Variants in PCDH15 observed in about 807,000 individuals in gnomAD.
PCDH15 encodes the protein protocadherin-15.
Under a neutral mutation model 178.5 loss-of-function variants are expected in PCDH15, and 129 were observed. That is an observed-to-expected ratio of 0.72 (90% CI 0.63 to 0.84). The LOEUF (loss-of-function observed/expected upper bound fraction) is 0.84. PCDH15 is among the 40% of genes least tolerant of loss of function. The pLI is 0.00. For synonymous variants in PCDH15, 800 were observed against 732.0 expected (o/e 1.09, Z -1.50); for missense variants, 2,230 against 2,099.9 (o/e 1.06, Z -1.21).
intron 1 of PCDH15, among the ~76,000 whole-genome samples, chr10:54,686,611 A>G (rs547492269): frequency 6.6e-6 from 1 of 152,162 alleles, no homozygotes; most frequent in East Asian, 1.9e-4. Flanking sequence ...TGTGTCCAAT[A>G]CCATTCTTTT....
chr10:53,991,959 G>A (rs190122686), intron 21 of PCDH15, among the ~76,000 whole-genome samples: 29 of 152,160 alleles, frequency 1.9e-4, no homozygotes, highest in Admixed American at 5.9e-4. Context: ...CAACCCGCTC[G>A]GGTCCCCTTC....
chr10:54,378,147 A>C (rs1948720945), intron 4 of PCDH15, among the ~76,000 whole-genome samples: 1 of 151,286 alleles, frequency 6.6e-6, no homozygotes, highest in African/African-American at 2.4e-5. Context: ...CTGGACTCAA[A>C]CTCCTGGGCT....
In PCDH15 at chr10:55,128,813, A is replaced by G. The variant is rs1466317911; in HGVS notation, c.-80+37763T>C. On this transcript the variant is annotated intron_variant, in intron 2 of 5. Transcript: ENST00000458638. ...AGGCAGTCATCAATAGAGATCTGAG[A>G]CTTCAACCAACACTTTCAAGAATTT... Among the ~76,000 whole-genome samples, 2 of 151,814 alleles carry G rather than the reference A, an allele frequency of 1.3e-5. 1 individual carries two copies. The highest frequency in any genetic ancestry group is 3.0e-5 in the Non-Finnish European group (2 of 67,752).
At chr10:55,429,505 TATAAG>T (rs1838833118) in intron 2 of PCDH15, among the ~76,000 whole-genome samples, 1 of 152,138 alleles carries the variant, frequency 6.6e-6, no homozygotes, top group East Asian at 1.9e-4. Context: ...TGCTGATGCT[TATAAG>T]ATTTTTATCT....
chr10:54,908,693 G>A (rs1006408537), intron 2 of PCDH15, among the ~76,000 whole-genome samples: 6 of 152,178 alleles, frequency 3.9e-5, no homozygotes, highest in South Asian at 2.1e-4. Flanking sequence ...GAGGAGACCC[G>A]CAGTGGGCAA....
At chr10:54,585,593 TC>T in intron 2 of PCDH15, 1 of 197,458 alleles carries the variant, frequency 5.1e-6, no homozygotes. Context: ...ATTGGCATCA[TC>T]AGTCCTCCTA....
chr10:55,151,525 G>C (rs1838712863), intron 2 of PCDH15, among the ~76,000 whole-genome samples: 1 of 151,978 alleles, frequency 6.6e-6, no homozygotes, highest in African/African-American at 2.4e-5. Context: ...TTCCAGTTTT[G>C]TGGTTTATGT....
At chr10:54,631,210 C>T (rs1037168581) in intron 2 of PCDH15, among the ~76,000 whole-genome samples, 1 of 152,044 alleles carries the variant, frequency 6.6e-6, no homozygotes, top group South Asian at 2.1e-4. Flanking sequence ...CACTTCCCCA[C>T]CTCTCTCTTG....
chr10:54,483,293 G>A (rs1470465759), intron 3 of PCDH15, among the ~76,000 whole-genome samples: 1 of 151,836 alleles, frequency 6.6e-6, no homozygotes, highest in African/African-American at 2.4e-5. Context: ...AACATGGTAT[G>A]TGTTTAATGC....
At chr10:55,597,159 T>C (rs1842951729) in intron 2 of PCDH15, 1 of 152,190 alleles carries the variant, frequency 6.6e-6, no homozygotes, top group Non-Finnish European at 1.5e-5. Flanking sequence ...GCTGGACTTA[T>C]CTTGAATATT....
intron 3 of PCDH15, among the ~76,000 whole-genome samples, chr10:54,452,041 A>G (rs1287303162): frequency 1.3e-5 from 2 of 151,906 alleles, no homozygotes; most frequent in Non-Finnish European, 2.9e-5. Context: ...ATTATAATAT[A>G]TATTTCGTAT....
rs751320299 is a variant in PCDH15 at position 54,132,948 on chromosome 10, C to T, written c.1844G>A (p.Arg615His). The T allele has an allele frequency of 5.0e-6, 8 of 1,613,928 alleles. No homozygotes were observed. The highest frequency in any genetic ancestry group is 1.3e-5 in the African/African-American group (1 of 74,968). ...VLPPNNQSPPRFPQLMYSLEI... is the reference protein window; with the variant it reads ...VLPPNNQSPPHFPQLMYSLEI... The stretch of plus-strand genomic sequence containing the variant: ...AAGGCTATACATCAGCTGTGGGAAG[C>T]GAGGAGGGCTTTGATTATTTGGTGG... Residue 615 changes from arginine to histidine, a missense_variant, in exon 15 of 38, where the codon CGC becomes CAC. Coordinates refer to ENST00000644397, the MANE Select transcript of PCDH15 (RefSeq NM_001384140.1).
At chr10:55,065,670 G>T (rs938359477) in intron 2 of PCDH15, among the ~76,000 whole-genome samples, 5 of 151,958 alleles carry the variant, frequency 3.3e-5, no homozygotes, top group African/African-American at 1.2e-4. Context: ...AAAATTATTT[G>T]TGAAATAAGT....
At chr10:54,880,279 G>A (rs1954238401) in intron 3 of PCDH15, among the ~76,000 whole-genome samples, 1 of 152,102 alleles carries the variant, frequency 6.6e-6, no homozygotes, top group South Asian at 2.1e-4. Context: ...AACTTCTACA[G>A]CCCTTATGGC....
intron 2 of PCDH15, among the ~76,000 whole-genome samples, chr10:55,039,578 T>G (rs767922470): frequency 1.2e-4 from 18 of 152,128 alleles, no homozygotes; most frequent in Non-Finnish European, 1.8e-4. Flanking sequence ...TCAGAAGCTA[T>G]GATTAAGACA....
Position 54,323,012 on chromosome 10 carries a change from A to G in PCDH15, c.706-5571T>C, listed in dbSNP as rs1691827173. On this transcript the variant is annotated intron_variant, in intron 7 of 37. Transcript: ENST00000644397. ...ATCTATAAGGAACTTAAACAATTTA[A>G]GAAGCAAAAGACAAACAATCCCATT... 2.0e-5 allele frequency among the ~76,000 whole-genome samples: 3 copies of G among 152,128 alleles called. No individual in the cohort carries two copies. In the South Asian group the frequency reaches 6.2e-4, roughly 31 times the overall value.
chr10:55,350,547 C>A (rs1844897932), intron 2 of PCDH15, among the ~76,000 whole-genome samples: 1 of 151,806 alleles, frequency 6.6e-6, no homozygotes, highest in Non-Finnish European at 1.5e-5. Context: ...GATGAAGAAA[C>A]AGAACAGTAC....
At chr10:55,555,958 C>CT (rs1842082917) in intron 2 of PCDH15, among the ~76,000 whole-genome samples, 1 of 151,936 alleles carries the variant, frequency 6.6e-6, no homozygotes, top group Non-Finnish European at 1.5e-5. Context: ...ATTCAGATAC[C>CT]TTTTTTACTA....
chr10:54,621,742 A>G (rs1253407102), intron 2 of PCDH15, among the ~76,000 whole-genome samples: 1 of 152,032 alleles, frequency 6.6e-6, no homozygotes, highest in Non-Finnish European at 1.5e-5. Flanking sequence ...CTTTAGCTAG[A>G]ATCACTCACT....
Sources: gnomAD v4.1 joint callset for allele counts (sites outside exome capture counted in the v4.1 genomes callset) on GRCh38, gnomAD v4.1.1 for gene constraint, MANE v1.5 for transcripts, NCBI Gene and HGNC (gene_info 2026-07-23, HGNC 2026-07-21) for gene names.